SCFD2: variants seen among roughly 807,000 people sequenced by gnomAD.
SCFD2 encodes sec1 family domain-containing protein 2.
SCFD2 carries 54 observed loss-of-function variants against 58.9 expected under a neutral mutation model. The ratio of observed to expected loss-of-function variants is 0.92; its 90% confidence interval spans 0.74 to 1.15. The LOEUF (loss-of-function observed/expected upper bound fraction) is 1.15, where lower values mean the gene tolerates loss of function less well. SCFD2 is among the 50% of genes most tolerant of loss of function. The pLI, the probability that SCFD2 is intolerant of heterozygous loss-of-function variation, is 0.00. For missense variants in SCFD2, 805 were observed against 836.6 expected (o/e 0.96, Z 0.47); for synonymous variants, 321 against 335.9 (o/e 0.96, Z 0.49).
intron 5 of SCFD2, among the ~76,000 whole-genome samples, chr4:52,930,037 T>A: frequency 6.6e-6 from 1 of 152,162 alleles, no homozygotes. Context: ...AAAAAGAGCC[T>A]GTATAGCCAA....
At chr4:53,112,943 A>G (rs1725214358) in intron 5 of SCFD2, among the ~76,000 whole-genome samples, 2 of 152,070 alleles carry the variant, frequency 1.3e-5, no homozygotes. Context: ...ATAGGATCCC[A>G]GATAAAATAT....
chr4:53,293,644 C>A (rs1186861083), intron 3 of SCFD2, among the ~76,000 whole-genome samples: 9 of 152,258 alleles, frequency 5.9e-5, no homozygotes, highest in African/African-American at 2.2e-4. Context: ...AAAGACCACT[C>A]ATGAAAAATT....
rs555573003 is a variant in SCFD2 at position 53,243,754 on chromosome 4, C to T, written c.1311+30072G>A. On this transcript the variant is annotated intron_variant, in intron 4 of 8. Transcript: ENST00000401642. The stretch of plus-strand genomic sequence containing the variant: ...TATGCTGTCTTCAAGAGACCCATCT[C>T]ACATGTGATGACACCCATAGGCACA... Among the ~76,000 whole-genome samples, 765 of 151,606 alleles carry T rather than the reference C, an allele frequency of 5.0e-3. 5 individuals carry two copies. Among genetic ancestry groups the T allele is most frequent in the Non-Finnish European group, 8.6e-3 (581 of 67,876 alleles).
intron 5 of SCFD2, among the ~76,000 whole-genome samples, chr4:53,014,841 C>T (rs7694940): frequency 0.14 from 21,992 of 152,192 alleles, 2,213 homozygotes; most frequent in African/African-American, 0.29. Context: ...TCCTACATAG[C>T]TTGCTTTGGT....
chr4:53,050,380 G>A (rs1404038292), intron 5 of SCFD2, among the ~76,000 whole-genome samples: 7 of 152,302 alleles, frequency 4.6e-5, no homozygotes, highest in East Asian at 3.9e-4. Flanking sequence ...AATAGCTGTC[G>A]TGATTAAACG....
At chr4:52,900,996 A>C (rs1382457694) in intron 7 of SCFD2, among the ~76,000 whole-genome samples, 1 of 152,162 alleles carries the variant, frequency 6.6e-6, no homozygotes, top group African/African-American at 2.4e-5. Context: ...TTGGAAGAGC[A>C]CAGTATTAGG....
chr4:52,896,964 T>G (rs990015115), intron 7 of SCFD2, among the ~76,000 whole-genome samples: 1 of 152,012 alleles, frequency 6.6e-6, no homozygotes, highest in South Asian at 2.1e-4. Flanking sequence ...CTCTGTCTGT[T>G]ATTGGTGTAT....
intron 5 of SCFD2, among the ~76,000 whole-genome samples, chr4:53,135,272 G>A (rs890319021): frequency 3.9e-5 from 6 of 152,152 alleles, no homozygotes; most frequent in African/African-American, 1.4e-4. Context: ...ACTGGAAATT[G>A]TTAAGTCCAC....
At chr4:53,145,966 C>A (rs1414424760) in intron 4 of SCFD2, among the ~76,000 whole-genome samples, 1 of 152,076 alleles carries the variant, frequency 6.6e-6, no homozygotes, top group Non-Finnish European at 1.5e-5. Context: ...ATCTATATAT[C>A]CAAATGAATG....
chr4:53,116,589 A>T (rs370215431), intron 5 of SCFD2, among the ~76,000 whole-genome samples: 132 of 152,330 alleles, frequency 8.7e-4, no homozygotes, highest in Middle Eastern at 6.8e-3. Context: ...ACATAACAGG[A>T]TATACTACAC....
At chr4:53,052,521 T>G (rs1310890204) in intron 5 of SCFD2, among the ~76,000 whole-genome samples, 1 of 152,172 alleles carries the variant, frequency 6.6e-6, no homozygotes, top group African/African-American at 2.4e-5. Flanking sequence ...GACTGTGCAT[T>G]ATCAACTGGA....
intron 5 of SCFD2, among the ~76,000 whole-genome samples, chr4:52,965,014 A>AAC (rs146576584): frequency 0.35 from 50,642 of 144,782 alleles, 9,388 homozygotes; most frequent in Admixed American, 0.48. Context: ...ACAAAACACA[A>AAC]ACACACACAC....
intron 5 of SCFD2, among the ~76,000 whole-genome samples, chr4:53,042,608 T>C (rs1722926915): frequency 1.3e-5 from 2 of 152,110 alleles, no homozygotes; most frequent in Admixed American, 6.6e-5. Flanking sequence ...ATCTGGAAAA[T>C]GTACATGGAG....
At chr4:53,211,734 T>C (rs1354958056) in intron 4 of SCFD2, among the ~76,000 whole-genome samples, 1 of 152,140 alleles carries the variant, frequency 6.6e-6, no homozygotes, top group Non-Finnish European at 1.5e-5. Flanking sequence ...TTGATGATTG[T>C]TGTAGTGTGA....
chr4:52,925,826 G>T (rs1342799941), intron 5 of SCFD2, among the ~76,000 whole-genome samples: 1 of 152,066 alleles, frequency 6.6e-6, no homozygotes, highest in African/African-American at 2.4e-5. Context: ...AAACCCCTAG[G>T]GTGCCCTATG....
chr4:53,018,242 T>C (rs932887468), intron 5 of SCFD2, among the ~76,000 whole-genome samples: 6 of 152,174 alleles, frequency 3.9e-5, no homozygotes, highest in African/African-American at 1.2e-4. Flanking sequence ...AAAAAGTTGA[T>C]GAAAATTTGA....
At chr4:53,101,725 C>A (rs1013959440) in intron 5 of SCFD2, among the ~76,000 whole-genome samples, 4 of 152,046 alleles carry the variant, frequency 2.6e-5, no homozygotes, top group Admixed American at 2.6e-4. Context: ...AAACACTCTG[C>A]AAAACACAAA....
chr4:52,936,985 T>A (rs993664964), intron 5 of SCFD2, among the ~76,000 whole-genome samples: 4 of 152,110 alleles, frequency 2.6e-5, no homozygotes, highest in African/African-American at 7.3e-5. Context: ...TCTGTGCTCA[T>A]GGAGTCTACA....
chr4:53,338,999 G>C (rs1733777629), intron 2 of SCFD2, among the ~76,000 whole-genome samples: 1 of 151,938 alleles, frequency 6.6e-6, no homozygotes, highest in African/African-American at 2.4e-5. Context: ...TGTTGCAGCA[G>C]ATCTACTCTA....
Sources: allele counts gnomAD v4.1 joint callset (sites outside exome capture counted in the v4.1 genomes callset), GRCh38; gene constraint gnomAD v4.1.1; transcripts MANE v1.5; gene names NCBI Gene and HGNC (gene_info 2026-07-23, HGNC 2026-07-21).